The following WDPCP variants were observed in gnomAD, a reference collection of about 807,000 sequenced individuals.
WDPCP encodes the protein WD repeat containing planar cell polarity effector, also known as WD repeat-containing and planar cell polarity effector protein fritz homolog.
WDPCP carries 71 observed loss-of-function variants against 93.1 expected under a neutral mutation model. The observed-to-expected ratio is 0.76, with a 90% CI of 0.63 to 0.93. The LOEUF (loss-of-function observed/expected upper bound fraction) is 0.93. Among genes scored for constraint, WDPCP ranks in the 40% least tolerant of loss-of-function variants. The pLI is 0.00. For synonymous variants in WDPCP, 315 were observed against 315.0 expected, an observed-to-expected ratio of 1.00 and a Z score of 0.00; for missense variants, 844 against 887.4, an observed-to-expected ratio of 0.95 and a Z score of 0.62.
chr2:63,322,793 G>A (rs915331972), intron 12 of WDPCP, among the ~76,000 whole-genome samples: 4 of 151,664 alleles, frequency 2.6e-5, no homozygotes, highest in Admixed American at 6.6e-5. Flanking sequence ...ATCGCCTATC[G>A]CCAAGAAGTG....
chr2:63,234,856 A>G (rs1298115747), intron 14 of WDPCP, among the ~76,000 whole-genome samples: 2 of 152,154 alleles, frequency 1.3e-5, no homozygotes, highest in Non-Finnish European at 2.9e-5. Flanking sequence ...ATATATTTTT[A>G]TGTTATCAGA....
chr2:63,338,890 T>C (rs1199506716), intron 12 of WDPCP, among the ~76,000 whole-genome samples: 6 of 151,840 alleles, frequency 4.0e-5, no homozygotes, highest in Non-Finnish European at 7.4e-5. Flanking sequence ...ATAAATTTTA[T>C]AGTTTTTTTT....
chr2:63,631,069 T>G (rs1709860392), intron 3 of WDPCP, among the ~76,000 whole-genome samples: 1 of 152,080 alleles, frequency 6.6e-6, no homozygotes, highest in Admixed American at 6.6e-5. Context: ...ACACCTGAGG[T>G]AAGGAGTTCG....
intron 14 of WDPCP, among the ~76,000 whole-genome samples, chr2:63,186,244 C>G (rs893839492): frequency 6.6e-6 from 1 of 152,196 alleles, no homozygotes; most frequent in African/African-American, 2.4e-5. Context: ...AACCATGGCT[C>G]TCTAGCAAAT....
intron 2 of WDPCP, among the ~76,000 whole-genome samples, chr2:63,783,180 G>A (rs1670419529): frequency 6.6e-6 from 1 of 151,962 alleles, no homozygotes; most frequent in Non-Finnish European, 1.5e-5. Context: ...TGGGAGGCTA[G>A]GCAGGAAAAT....
At chr2:63,429,976 TACACACAC>T (rs199517613) in intron 9 of WDPCP, among the ~76,000 whole-genome samples, 27,552 of 137,310 alleles carry the variant, frequency 0.2, 3,060 homozygotes, top group East Asian at 0.5. Context: ...GAAAATGTTA[TACACACAC>T]ACACACACAC....
chr2:63,504,285 T>G (rs1701729353), intron 1 of WDPCP, among the ~76,000 whole-genome samples: 1 of 151,756 alleles, frequency 6.6e-6, no homozygotes, highest in African/African-American at 2.4e-5. Flanking sequence ...CATTATTTCA[T>G]TTAATCCTCA....
intron 12 of WDPCP, among the ~76,000 whole-genome samples, chr2:63,321,315 A>G (rs1687063639): frequency 9.7e-6 from 1 of 102,982 alleles, no homozygotes; most frequent in African/African-American, 4.2e-5. Flanking sequence ...GTGTGTCTCT[A>G]TTATCAGAGT....
chr2:63,460,518 A>G (rs1698933436), intron 6 of WDPCP, among the ~76,000 whole-genome samples: 1 of 152,236 alleles, frequency 6.6e-6, no homozygotes, highest in South Asian at 2.1e-4. Context: ...CACTCAAGTT[A>G]ACAGACATCC....
chr2:63,450,413 C>T (rs1159331789), intron 6 of WDPCP, among the ~76,000 whole-genome samples: 1 of 152,176 alleles, frequency 6.6e-6, no homozygotes, highest in East Asian at 1.9e-4. Flanking sequence ...AAAGAGTCAT[C>T]CCACCACTGC....
intron 14 of WDPCP, among the ~76,000 whole-genome samples, chr2:63,176,796 C>T (rs753457098): frequency 1.3e-5 from 2 of 152,108 alleles, no homozygotes; most frequent in South Asian, 2.1e-4. Context: ...GCTTTTGTTG[C>T]CTATGCTTTT....
chr2:63,243,099 G>A (rs1421172567), intron 14 of WDPCP, among the ~76,000 whole-genome samples: 3 of 152,138 alleles, frequency 2.0e-5, no homozygotes, highest in Non-Finnish European at 4.4e-5. Context: ...CTTCATAACT[G>A]TATTGTACTG....
At chr2:63,306,452 G>C (rs1685752242) in intron 13 of WDPCP, among the ~76,000 whole-genome samples, 1 of 152,148 alleles carries the variant, frequency 6.6e-6, no homozygotes, top group South Asian at 2.1e-4. Flanking sequence ...GAAAATTTCA[G>C]CCCAATATCC....
At chr2:63,603,530 C>G (rs1272431792) in intron 3 of WDPCP, among the ~76,000 whole-genome samples, 1 of 152,026 alleles carries the variant, frequency 6.6e-6, no homozygotes, top group Non-Finnish European at 1.5e-5. Flanking sequence ...TCTGGTTCAT[C>G]ATAAATTCTG....
intron 2 of WDPCP, among the ~76,000 whole-genome samples, chr2:63,705,425 G>C (rs368249116): frequency 6.6e-6 from 1 of 152,060 alleles, no homozygotes; most frequent in African/African-American, 2.4e-5. Flanking sequence ...GCTTTCTCTT[G>C]TGGGCATTTA....
At chr2:63,302,102 T>C (rs1685378222) in intron 13 of WDPCP, among the ~76,000 whole-genome samples, 1 of 152,206 alleles carries the variant, frequency 6.6e-6, no homozygotes, top group South Asian at 2.1e-4. Flanking sequence ...CCCTTGTCAT[T>C]ACAGGACCTT....
rs561956806 is a variant in WDPCP, at chr2:63,792,297, G to A, written n.308+21325C>T. The stretch of plus-strand genomic sequence containing the variant: ...AGTCATGTTTTACATGGCAGCAGGC[G>A]AGAGAGGGCATGTGAAGGAGGAACT... On this transcript the variant is annotated intron_variant and non_coding_transcript_variant, in intron 2 of 4. Coordinates refer to the WDPCP transcript ENST00000467687. Among the ~76,000 whole-genome samples, 21 of 152,278 alleles carry A rather than the reference G, an allele frequency of 1.4e-4. No individual in the cohort carries two copies. The South Asian group carries it at 3.7e-3, about 27-fold the overall frequency.
chr2:63,836,839 T>A, the WDPCP span, among the ~76,000 whole-genome samples: 89 of 152,314 alleles, frequency 5.8e-4, no homozygotes, highest in Non-Finnish European at 1.1e-3. Flanking sequence ...CAAAGGAGAA[T>A]CTAGAGGGGA....
intron 17 of WDPCP, among the ~76,000 whole-genome samples, chr2:63,145,781 TA>T (rs1210702120): frequency 3.3e-5 from 5 of 152,252 alleles, no homozygotes; most frequent in African/African-American, 1.2e-4. Context: ...GCATTGAATC[TA>T]TACATTGCTC....
Sources: gnomAD v4.1 joint callset for allele counts (sites outside exome capture counted in the v4.1 genomes callset) on GRCh38, gnomAD v4.1.1 for gene constraint, MANE v1.5 for transcripts, NCBI Gene and HGNC (gene_info 2026-07-23, HGNC 2026-07-21) for gene names.